MND1: variants seen among roughly 807,000 people sequenced by gnomAD.
The protein encoded by MND1 is meiotic nuclear divisions 1.
In MND1, 28 loss-of-function variants were observed where a neutral mutation model predicts 35.1. The observed-to-expected ratio is 0.80, with a 90% CI of 0.59 to 1.09. The LOEUF (loss-of-function observed/expected upper bound fraction) is 1.09. Among genes scored for constraint, MND1 ranks in the 50% least tolerant of loss-of-function variants. MND1 has a pLI of 0.00. For missense variants in MND1, 213 were observed against 239.6 expected, an observed-to-expected ratio of 0.89 and a Z score of 0.73; for synonymous variants, 69 against 70.5, an observed-to-expected ratio of 0.98 and a Z score of 0.11.
intron 4 of MND1, among the ~76,000 whole-genome samples, chr4:153,385,022 C>T (rs1376610284): frequency 2.0e-5 from 3 of 152,170 alleles, no homozygotes; most frequent in African/African-American, 7.2e-5. Context: ...CAACAAACAT[C>T]CAGTACTCAC....
At chr4:153,393,924 CTTTTTTTTTTT>C (rs36028750) in intron 4 of MND1, among the ~76,000 whole-genome samples, 1 of 56,464 alleles carries the variant, frequency 1.8e-5, no homozygotes, top group Non-Finnish European at 3.1e-5. Flanking sequence ...ACTTTGTTTT[CTTTTTTTTTTT>C]TTTTTTTTTT....
At chr4:153,363,037 G>T in intron 4 of MND1, 7 of 984,910 alleles carry the variant, frequency 7.1e-6, no homozygotes, top group Non-Finnish European at 8.4e-6. Context: ...TAAGCTCCTT[G>T]TTATTTTCCA....
At chr4:153,369,869 T>A (rs189150030) in intron 4 of MND1, among the ~76,000 whole-genome samples, 100 of 152,254 alleles carry the variant, frequency 6.6e-4, no homozygotes, top group Non-Finnish European at 1.1e-3. Context: ...GCCTCTACTT[T>A]GTCAATTAAG....
chr4:153,406,529 AAG>A (rs1177100504), intron 6 of MND1, among the ~76,000 whole-genome samples: 8 of 152,336 alleles, frequency 5.3e-5, no homozygotes, highest in African/African-American at 1.2e-4. Flanking sequence ...AAAAGAAAAA[AAG>A]AAAGTAAAAA....
rs752244341 is a variant in MND1, at chr4:153,349,500, A to G, written c.4-564A>G. ...CACACCTTTCTCATCCCATCTGCCA[A>G]TCCCCCTACATACTTCATACAATAA... On this transcript the variant is annotated intron_variant, in intron 1 of 7. Coordinates refer to ENST00000240488, the MANE Select transcript of MND1 (RefSeq NM_032117.4). Among the ~76,000 whole-genome samples, 10 of 152,118 alleles carry G rather than the reference A, an allele frequency of 6.6e-5. 1 individual carries two copies. Among genetic ancestry groups the G allele is most frequent in the Non-Finnish European group, 1.2e-4 (8 of 68,012 alleles).
intron 4 of MND1, among the ~76,000 whole-genome samples, chr4:153,371,916 T>C (rs1162420438): frequency 1.3e-5 from 2 of 152,018 alleles, no homozygotes; most frequent in East Asian, 3.8e-4. Flanking sequence ...TGTGTGACGT[T>C]TTTTCACTTG....
chr4:153,386,886 C>G (rs1728883317), intron 4 of MND1, among the ~76,000 whole-genome samples: 1 of 151,884 alleles, frequency 6.6e-6, no homozygotes, highest in African/African-American at 2.4e-5. Flanking sequence ...AGAAATAAGA[C>G]AAGAAGGATG....
chr4:153,396,347 C>T (rs578127288), intron 5 of MND1, among the ~76,000 whole-genome samples: 1 of 152,176 alleles, frequency 6.6e-6, no homozygotes, highest in Non-Finnish European at 1.5e-5. Flanking sequence ...GTCTCTTGTA[C>T]AAATGCTAGC....
chr4:153,378,589 T>C (rs1728574973), intron 4 of MND1, among the ~76,000 whole-genome samples: 1 of 152,180 alleles, frequency 6.6e-6, no homozygotes, highest in African/African-American at 2.4e-5. Flanking sequence ...TGGAATACAC[T>C]TTGGAGAAAT....
chr4:153,399,170 T>C (rs958510884), intron 6 of MND1, among the ~76,000 whole-genome samples: 1 of 152,222 alleles, frequency 6.6e-6, no homozygotes, highest in Admixed American at 6.5e-5. Context: ...GTGATTCTTG[T>C]ACTTTTTCCT....
At chr4:153,388,944 G>T (rs142611574) in intron 4 of MND1, among the ~76,000 whole-genome samples, 1 of 152,222 alleles carries the variant, frequency 6.6e-6, no homozygotes, top group African/African-American at 2.4e-5. Flanking sequence ...CCCATAGTCC[G>T]ATGGTTTCTT....
chr4:153,354,878 G>T (rs186112994), intron 2 of MND1, among the ~76,000 whole-genome samples: 1 of 152,228 alleles, frequency 6.6e-6, no homozygotes, highest in Non-Finnish European at 1.5e-5. Context: ...ATTGTATGCT[G>T]CTGGCCAAGC....
chr4:153,407,406 T>G (rs901339168), intron 6 of MND1, among the ~76,000 whole-genome samples: 1 of 152,052 alleles, frequency 6.6e-6, no homozygotes, highest in Admixed American at 6.6e-5. Flanking sequence ...GAAGTTGCAG[T>G]GAGCCAAGAC....
At chr4:153,389,542 G>A (rs1298854062) in intron 4 of MND1, among the ~76,000 whole-genome samples, 3 of 152,158 alleles carry the variant, frequency 2.0e-5, no homozygotes, top group Admixed American at 6.5e-5. Context: ...TGTATTTTTA[G>A]TAGTGACGGG....
At chr4:153,384,258 C>CTTTT (rs35214226) in intron 4 of MND1, among the ~76,000 whole-genome samples, 2 of 55,358 alleles carry the variant, frequency 3.6e-5, no homozygotes, top group Non-Finnish European at 6.7e-5. Flanking sequence ...CTACTTTCTG[C>CTTTT]TTTTTTTTTT....
At chr4:153,386,714 TCAACAA>T (rs112753584) in intron 4 of MND1, among the ~76,000 whole-genome samples, 1 of 151,956 alleles carries the variant, frequency 6.6e-6, no homozygotes, top group African/African-American at 2.4e-5. Flanking sequence ...AGACTCCATC[TCAACAA>T]CAACAACAAC....
chr4:153,351,244 C>T (rs994141502), intron 2 of MND1, among the ~76,000 whole-genome samples: 1 of 152,114 alleles, frequency 6.6e-6, no homozygotes, highest in East Asian at 1.9e-4. Context: ...ATTATTATCT[C>T]AAATATAAAA....
At chr4:153,396,717 A>T (rs1170545246) in intron 5 of MND1, among the ~76,000 whole-genome samples, 1 of 152,170 alleles carries the variant, frequency 6.6e-6, no homozygotes, top group Non-Finnish European at 1.5e-5. Flanking sequence ...GAGGCCTCAA[A>T]CTACAATTGT....
At chr4:153,397,154 G>C in intron 5 of MND1, 65 bp from the exon 6 acceptor site, 7 of 1,059,898 alleles carry the variant, frequency 6.6e-6, no homozygotes, top group Non-Finnish European at 9.6e-6. Context: ...GTTATAAAAT[G>C]TATTACCTTA....
Sources: allele counts gnomAD v4.1 joint callset (sites outside exome capture counted in the v4.1 genomes callset), GRCh38; gene constraint gnomAD v4.1.1; transcripts MANE v1.5; gene names NCBI Gene and HGNC (gene_info 2026-07-23, HGNC 2026-07-21).